CARMIL1: variants seen among roughly 807,000 people sequenced by gnomAD.
CARMIL1 encodes capping protein regulator and myosin 1 linker 1.
In CARMIL1, 90 loss-of-function variants were observed where a neutral mutation model predicts 177.1. That is an observed-to-expected ratio of 0.51 (90% confidence interval 0.43 to 0.61). CARMIL1 has a LOEUF of 0.61. Among genes scored for constraint, CARMIL1 ranks in the 20% least tolerant of loss-of-function variants. The pLI, the probability that CARMIL1 is intolerant of heterozygous loss-of-function variation, is 0.00. For synonymous variants in CARMIL1, 577 were observed against 606.2 expected, an observed-to-expected ratio of 0.95 and a Z score of 0.71; for missense variants, 1,380 against 1,667.0, an observed-to-expected ratio of 0.83 and a Z score of 3.00.
intron 33 of CARMIL1, among the ~76,000 whole-genome samples, chr6:25,603,339 G>A (rs937222869): frequency 2.6e-5 from 4 of 152,204 alleles, no homozygotes; most frequent in South Asian, 2.1e-4. Flanking sequence ...TGCAGTGCTT[G>A]TATACACATT....
intron 3 of CARMIL1, among the ~76,000 whole-genome samples, chr6:25,422,240 G>C (rs562038310): frequency 1.8e-4 from 27 of 152,208 alleles, no homozygotes; most frequent in Admixed American, 3.3e-4. Flanking sequence ...ATGATGTTTG[G>C]GCCGCAGTGT....
chr6:25,488,666 T>TTA, intron 13 of CARMIL1, 81 bp downstream of exon 13: 1 of 1,068,034 alleles, frequency 9.4e-7, no homozygotes, highest in Non-Finnish European at 1.5e-6. Flanking sequence ...GTCTTTGTAG[T>TTA]GCATTTTCCT....
At chr6:25,280,293 G>A (rs1408522770) in intron 1 of CARMIL1, among the ~76,000 whole-genome samples, 6 of 152,184 alleles carry the variant, frequency 3.9e-5, no homozygotes, top group African/African-American at 1.4e-4. Context: ...TCCGGCACGT[G>A]TCAGGCGCTT....
At chr6:25,521,198 A>G (rs1806516330) in intron 23 of CARMIL1, among the ~76,000 whole-genome samples, 1 of 152,180 alleles carries the variant, frequency 6.6e-6, no homozygotes, top group Admixed American at 6.5e-5. Context: ...AGGGAAGGGC[A>G]GGTTGGGTTT....
chr6:25,548,068 G>A (rs1271466762), intron 26 of CARMIL1, among the ~76,000 whole-genome samples: 1 of 152,154 alleles, frequency 6.6e-6, no homozygotes, highest in Non-Finnish European at 1.5e-5. Context: ...ACGGGGAACT[G>A]CAACCATGAT....
Position 25,323,550 on chromosome 6 carries a change from C to CA in CARMIL1, c.138+38642dup, listed in dbSNP as rs199893005. 6.1e-3 allele frequency among the ~76,000 whole-genome samples: 934 copies of CA among 152,194 alleles called. 6 individuals are homozygous for CA. The highest frequency in any genetic ancestry group is 0.021 in the African/African-American group (878 of 41,536). On this transcript the variant is annotated intron_variant, in intron 2 of 36. Transcript: ENST00000329474. Reference sequence around the variant, plus strand: ...CTTGAGCCCAGGAGTTTGAGGCTGCCATGAGCTATGATCACACCACTGCAC... The same window carrying CA: ...CTTGAGCCCAGGAGTTTGAGGCTGCCAATGAGCTATGATCACACCACTGCAC...
intron 36 of CARMIL1, among the ~76,000 whole-genome samples, chr6:25,615,032 A>G (rs975233191): frequency 2.6e-5 from 4 of 152,250 alleles, no homozygotes; most frequent in Non-Finnish European, 4.4e-5. Flanking sequence ...AGGATCTTCA[A>G]TTAAAGTGAT....
intron 4 of CARMIL1, 22 bp downstream of exon 4, chr6:25,426,582 C>A: frequency 6.3e-7 from 1 of 1,598,712 alleles, no homozygotes; most frequent in Non-Finnish European, 8.6e-7. Flanking sequence ...AAATGGATCA[C>A]TGCAAGATCA....
intron 17 of CARMIL1, among the ~76,000 whole-genome samples, chr6:25,501,361 C>T (rs1448271398): frequency 2.0e-5 from 3 of 152,136 alleles, no homozygotes; most frequent in Middle Eastern, 3.2e-3. Context: ...CTCCTGCATG[C>T]GTGCATCAGC....
intron 2 of CARMIL1, among the ~76,000 whole-genome samples, chr6:25,301,464 G>T (rs1302715204): frequency 6.6e-6 from 1 of 152,128 alleles, no homozygotes; most frequent in East Asian, 1.9e-4. Flanking sequence ...GCTCATAGGG[G>T]TTCCTGTTTT....
chr6:25,319,890 A>G (rs1784557615), intron 2 of CARMIL1, among the ~76,000 whole-genome samples: 1 of 149,868 alleles, frequency 6.7e-6, no homozygotes, highest in Non-Finnish European at 1.5e-5. Context: ...GCATCAGCCT[A>G]TTTTCACCTC....
chr6:25,294,953 G>A (rs1031197133), intron 2 of CARMIL1, among the ~76,000 whole-genome samples: 3 of 152,200 alleles, frequency 2.0e-5, no homozygotes, highest in Admixed American at 2.0e-4. Flanking sequence ...TGGCATCACA[G>A]CATCTGTGTT....
chr6:25,412,409 C>T (rs564959294), intron 2 of CARMIL1, among the ~76,000 whole-genome samples: 1 of 152,266 alleles, frequency 6.6e-6, no homozygotes, highest in South Asian at 2.1e-4. Context: ...TGGCAATACC[C>T]CATCTCTGTA....
chr6:25,422,133 A>G (rs193081566), intron 3 of CARMIL1, among the ~76,000 whole-genome samples: 1 of 152,144 alleles, frequency 6.6e-6, no homozygotes, highest in Admixed American at 6.6e-5. Context: ...ACCATGTCCT[A>G]CTTATTTAGA....
intron 24 of CARMIL1, among the ~76,000 whole-genome samples, chr6:25,530,741 G>A (rs969663942): frequency 7.2e-5 from 11 of 152,110 alleles, no homozygotes; most frequent in Non-Finnish European, 1.6e-4. Context: ...CGCAATATGA[G>A]GTATAAATAG....
intron 29 of CARMIL1, among the ~76,000 whole-genome samples, chr6:25,579,259 G>GCA (rs1554228250): frequency 6.9e-6 from 1 of 143,944 alleles, no homozygotes; most frequent in Non-Finnish European, 1.5e-5. Context: ...CAAGAGTCAG[G>GCA]AAAAAAAAAA....
chr6:25,459,905 G>A (rs947985914), intron 8 of CARMIL1, among the ~76,000 whole-genome samples: 2 of 152,208 alleles, frequency 1.3e-5, no homozygotes, highest in African/African-American at 4.8e-5. Flanking sequence ...TTACTTTTCA[G>A]ATCAAAGGTT....
At chr6:25,457,964 C>G (rs1799688363) in intron 8 of CARMIL1, among the ~76,000 whole-genome samples, 1 of 152,174 alleles carries the variant, frequency 6.6e-6, no homozygotes, top group African/African-American at 2.4e-5. Flanking sequence ...ATACTTAACA[C>G]TGTCTATTTA....
At chr6:25,370,906 C>T (rs991823914) in intron 2 of CARMIL1, among the ~76,000 whole-genome samples, 1 of 151,984 alleles carries the variant, frequency 6.6e-6, no homozygotes, top group Non-Finnish European at 1.5e-5. Flanking sequence ...TTTTATCCCT[C>T]ATCTCTCTCC....
Sources: gnomAD v4.1 joint callset for allele counts (sites outside exome capture counted in the v4.1 genomes callset) on GRCh38, gnomAD v4.1.1 for gene constraint, MANE v1.5 for transcripts, NCBI Gene and HGNC (gene_info 2026-07-23, HGNC 2026-07-21) for gene names.